DAB1: variants seen among roughly 807,000 people sequenced by gnomAD.
The protein encoded by DAB1 is disabled homolog 1.
In DAB1, 15 loss-of-function variants were observed where a neutral mutation model predicts 64.6. The ratio of observed to expected loss-of-function variants is 0.23; its 90% CI spans 0.16 to 0.36. The LOEUF (loss-of-function observed/expected upper bound fraction) is 0.36, where lower values mean the gene tolerates loss of function less well. Among genes scored for constraint, DAB1 ranks in the 10% least tolerant of loss-of-function variants. The probability of loss-of-function intolerance (pLI) is 1.00; values close to 1 mark genes in which losing one functional copy is unlikely to be tolerated. For missense variants in DAB1, 596 were observed against 706.7 expected (o/e 0.84, Z 1.78); for synonymous variants, 235 against 251.9 (o/e 0.93, Z 0.64).
At chr1:57,768,877 T>C (rs1649437339) in intron 6 of DAB1, among the ~76,000 whole-genome samples, 2 of 152,062 alleles carry the variant, frequency 1.3e-5, no homozygotes, top group African/African-American at 4.8e-5. Flanking sequence ...ATATGATATA[T>C]CACCAAAATC....
At chr1:58,346,037 C>T (rs760511024) in intron 3 of DAB1, among the ~76,000 whole-genome samples, 12 of 152,154 alleles carry the variant, frequency 7.9e-5, no homozygotes, top group Non-Finnish European at 1.3e-4. Context: ...GATGAGAAAG[C>T]GATGGGACTC....
chr1:57,893,546 A>G (rs939018298), intron 5 of DAB1, among the ~76,000 whole-genome samples: 1 of 152,212 alleles, frequency 6.6e-6, no homozygotes, highest in African/African-American at 2.4e-5. Context: ...CAGTCTATCA[A>G]GAAAGGCCAG....
rs151193909 is a variant in DAB1 at position 58,163,269 on chromosome 1, T to A, written n.310-12681A>T. ...AACTAAGTGCCAATAACTTAGTAAC[T>A]GGCACAAACATTGCAGGTCCGGTTC... On this transcript the variant is annotated intron_variant and non_coding_transcript_variant, in intron 4 of 20. Transcript: ENST00000485760. Among the ~76,000 whole-genome samples, 366 of 152,296 alleles carry A rather than the reference T, an allele frequency of 2.4e-3. 2 individuals are homozygous for A. Among genetic ancestry groups the A allele is most frequent in the African/African-American group, 8.6e-3 (356 of 41,550 alleles).
intron 6 of DAB1, among the ~76,000 whole-genome samples, chr1:57,653,459 A>G (rs1646279829): frequency 6.6e-6 from 1 of 152,184 alleles, no homozygotes; most frequent in Non-Finnish European, 1.5e-5. Context: ...ATTTTAGCCT[A>G]ATGATCCATA....
intron 2 of DAB1, among the ~76,000 whole-genome samples, chr1:57,282,843 G>T (rs981272801): frequency 6.6e-6 from 1 of 152,152 alleles, no homozygotes; most frequent in Non-Finnish European, 1.5e-5. Context: ...CATATAGAAT[G>T]ATTAGCTCAC....
At chr1:57,284,786 G>T (rs1047355325) in intron 2 of DAB1, among the ~76,000 whole-genome samples, 11 of 152,310 alleles carry the variant, frequency 7.2e-5, no homozygotes, top group African/African-American at 2.4e-4. Flanking sequence ...ACTTCCCAGG[G>T]CTAATGACCA....
intron 6 of DAB1, among the ~76,000 whole-genome samples, chr1:57,708,917 G>A (rs1646997105): frequency 6.6e-6 from 1 of 152,068 alleles, no homozygotes; most frequent in South Asian, 2.1e-4. Context: ...TGGCTCCTAC[G>A]AAGGTGTTTT....
At chr1:58,071,278 C>A (rs1267573135) in intron 5 of DAB1, among the ~76,000 whole-genome samples, 1 of 151,864 alleles carries the variant, frequency 6.6e-6, no homozygotes, top group Non-Finnish European at 1.5e-5. Flanking sequence ...TCTGTACTAT[C>A]CTGGGAGAAC....
intron 6 of DAB1, among the ~76,000 whole-genome samples, chr1:57,687,185 C>T (rs902147326): frequency 2.0e-5 from 3 of 152,182 alleles, no homozygotes. Context: ...TGATAATTGA[C>T]TGTAGTAAAG....
intron 3 of DAB1, among the ~76,000 whole-genome samples, chr1:58,363,776 G>T (rs1399620675): frequency 1.3e-5 from 2 of 152,212 alleles, no homozygotes; most frequent in African/African-American, 4.8e-5. Flanking sequence ...TCTTGTCTCA[G>T]ACTGTAAGTT....
intron 2 of DAB1, among the ~76,000 whole-genome samples, chr1:57,235,236 G>A (rs1668008009): frequency 6.6e-6 from 1 of 152,138 alleles, no homozygotes; most frequent in African/African-American, 2.4e-5. Context: ...CTAGGCAAGT[G>A]ATTTAACCTC....
intron 3 of DAB1, among the ~76,000 whole-genome samples, chr1:58,422,859 G>C (rs1211916083): frequency 6.6e-6 from 1 of 152,154 alleles, no homozygotes; most frequent in Non-Finnish European, 1.5e-5. Flanking sequence ...GTTTCCAGCA[G>C]AAGCAGCAGA....
At chr1:57,940,934 T>C (rs1645095236) in intron 5 of DAB1, among the ~76,000 whole-genome samples, 1 of 152,230 alleles carries the variant, frequency 6.6e-6, no homozygotes, top group South Asian at 2.1e-4. Context: ...CTAGCAGAGA[T>C]ACCTAATACA....
chr1:58,113,233 T>C (rs1259025010), intron 5 of DAB1, among the ~76,000 whole-genome samples: 1 of 151,970 alleles, frequency 6.6e-6, no homozygotes, highest in East Asian at 1.9e-4. Context: ...TGCAAGGAGA[T>C]GAGATGATGG....
rs1398929691 is a variant in DAB1, at chr1:58,300,634, GAGAGAGAGAGAGAGGAAGGAAGGAAGGA to G, written n.309+42690_309+42717del. ...AAAGAGAGAGAGAGAGAGAGAGAGA[GAGAGAGAGAGAGAGGAAGGAAGGAAGGA>G]AGGAAGGAAGGAAGGAAGGAAGGAA... is the stretch of plus-strand genomic sequence containing the variant. On this transcript the variant is annotated intron_variant and non_coding_transcript_variant, in intron 4 of 20. Transcript: ENST00000485760. Among the ~76,000 whole-genome samples, 92 of 64,398 alleles carry G rather than the reference GAGAGAGAGAGAGAGGAAGGAAGGAAGGA, an allele frequency of 1.4e-3. 1 individual carries two copies. Among genetic ancestry groups the G allele is most frequent in the Admixed American group, 5.1e-3 (31 of 6,062 alleles). 42.2% of individuals were successfully genotyped at this position (64,398 alleles called of 152,430 possible). A position where few individuals can be genotyped will look rare whatever the true frequency, so the allele number is the denominator to read the frequency against.
At chr1:57,841,987 C>T (rs1653073604) in intron 1 of DAB1, among the ~76,000 whole-genome samples, 1 of 152,194 alleles carries the variant, frequency 6.6e-6, no homozygotes. Context: ...AACCTTTATG[C>T]TCTGCTTCCT....
At chr1:57,497,699 G>A (rs1421130172) in intron 7 of DAB1, among the ~76,000 whole-genome samples, 1 of 152,190 alleles carries the variant, frequency 6.6e-6, no homozygotes, top group African/African-American at 2.4e-5. Context: ...GAAATACCAG[G>A]ATACATTCTT....
intron 2 of DAB1, among the ~76,000 whole-genome samples, chr1:57,257,915 T>C (rs553694192): frequency 1.4e-4 from 21 of 152,330 alleles, no homozygotes; most frequent in African/African-American, 4.6e-4. Context: ...ACTGCATTTA[T>C]TTAGGGCCTA....
At chr1:57,704,543 C>A (rs952454735) in intron 6 of DAB1, among the ~76,000 whole-genome samples, 3 of 152,152 alleles carry the variant, frequency 2.0e-5, no homozygotes, top group African/African-American at 7.2e-5. Context: ...AGCAAAGGAA[C>A]CTGGATAGCT....
Sources: gnomAD v4.1 joint callset for allele counts (sites outside exome capture counted in the v4.1 genomes callset) on GRCh38, gnomAD v4.1.1 for gene constraint, MANE v1.5 for transcripts, NCBI Gene and HGNC (gene_info 2026-07-23, HGNC 2026-07-21) for gene names.